The following IGF2BP2 variants were observed in gnomAD, a reference collection of about 807,000 sequenced individuals.
IGF2BP2 encodes insulin like growth factor 2 mRNA binding protein 2.
A neutral mutation model predicts 75.8 loss-of-function variants in IGF2BP2; 17 were observed. The observed-to-expected ratio is 0.22, with a 90% CI of 0.15 to 0.34. The LOEUF (loss-of-function observed/expected upper bound fraction) is 0.34. Ranked by LOEUF, IGF2BP2 falls within the 10% of genes least tolerant of loss-of-function variation. The pLI, the probability that IGF2BP2 is intolerant of heterozygous loss-of-function variation, is 1.00. For synonymous variants in IGF2BP2, 288 were observed against 295.6 expected (o/e 0.97, Z 0.26); for missense variants, 516 against 772.4 (o/e 0.67, Z 3.93).
At chr3:185,758,538 T>C (rs1050219826) in intron 2 of IGF2BP2, among the ~76,000 whole-genome samples, 1 of 152,172 alleles carries the variant, frequency 6.6e-6, no homozygotes, top group African/African-American at 2.4e-5. Context: ...GAGTAGATGT[T>C]CAGTAAGTGG....
chr3:185,769,798 C>G (rs1733619054), intron 2 of IGF2BP2, among the ~76,000 whole-genome samples: 1 of 148,246 alleles, frequency 6.7e-6, no homozygotes, highest in African/African-American at 2.5e-5. Flanking sequence ...CCACTGCACT[C>G]CCGCCTGGAT....
chr3:185,673,940 G>A (rs957758221), intron 9 of IGF2BP2, among the ~76,000 whole-genome samples: 5 of 152,152 alleles, frequency 3.3e-5, no homozygotes, highest in Admixed American at 2.6e-4. Flanking sequence ...AGAACCCACA[G>A]GAAGAAAATG....
intron 2 of IGF2BP2, among the ~76,000 whole-genome samples, chr3:185,802,097 G>A (rs1030477229): frequency 6.6e-6 from 1 of 152,028 alleles, no homozygotes; most frequent in African/African-American, 2.4e-5. Flanking sequence ...GGGTTGATAG[G>A]TGCAGCAAAC....
At chr3:185,659,582 G>C (rs917760850) in intron 10 of IGF2BP2, among the ~76,000 whole-genome samples, 1 of 151,910 alleles carries the variant, frequency 6.6e-6, no homozygotes, top group Non-Finnish European at 1.5e-5. Flanking sequence ...CACCATGTTG[G>C]CCAGGCTGGT....
intron 12 of IGF2BP2, 53 bp from the exon 13 acceptor site, chr3:185,652,221 C>A (rs1714720871): frequency 1.4e-6 from 2 of 1,479,240 alleles, no homozygotes; most frequent in Non-Finnish European, 1.9e-6. Flanking sequence ...TCCCCAGCCC[C>A]TCTTTCTTGT....
chr3:185,742,874 G>A (rs1729753958), intron 2 of IGF2BP2, among the ~76,000 whole-genome samples: 1 of 152,156 alleles, frequency 6.6e-6, no homozygotes. Context: ...GCTGAGGCGG[G>A]CAGATCACGA....
chr3:185,647,192 G>C lies in IGF2BP2; in HGVS notation c.1594-54C>G. ...GATAGGTTCCCTCCCCGTCAACGTGGTGGGCTCAGGACGGAGTGAGGGGCC... is the reference window on the plus strand; with the variant it reads ...GATAGGTTCCCTCCCCGTCAACGTGCTGGGCTCAGGACGGAGTGAGGGGCC... On this transcript the variant is annotated intron_variant, in intron 14 of 15. Coordinates refer to ENST00000382199, the MANE Select transcript of IGF2BP2 (RefSeq NM_006548.6). This position sits in a 1 kb window ranked among gnomAD's most constrained non-coding sequence, Gnocchi z 4.9. 7.7e-7 allele frequency: 1 copy of C among 1,292,908 alleles called. No homozygotes were observed. Among genetic ancestry groups the C allele is most frequent in the Non-Finnish European group, 1.1e-6 (1 of 887,462 alleles). The allele number at this position is 1,292,908 out of a possible 1,614,324, so 80.1% of individuals were successfully genotyped here.
chr3:185,814,730 GTTTAAC>G (rs1357576728), intron 2 of IGF2BP2, among the ~76,000 whole-genome samples: 5 of 152,054 alleles, frequency 3.3e-5, no homozygotes, highest in Non-Finnish European at 7.4e-5. Flanking sequence ...TTCATTGGTG[GTTTAAC>G]TGTATCTTAA....
intron 2 of IGF2BP2, among the ~76,000 whole-genome samples, chr3:185,707,125 T>C (rs561645867): frequency 6.6e-6 from 1 of 151,424 alleles, no homozygotes; most frequent in Admixed American, 6.6e-5. Context: ...CTCGAGAGGC[T>C]GAGGCAGAAG....
At chr3:185,783,074 T>C (rs945175838) in intron 2 of IGF2BP2, among the ~76,000 whole-genome samples, 2 of 152,216 alleles carry the variant, frequency 1.3e-5, no homozygotes, top group African/African-American at 2.4e-5. Context: ...ATGGTGAAGC[T>C]AGACCAATTA....
At chr3:185,824,165 G>A (rs1454071698) in intron 1 of IGF2BP2, among the ~76,000 whole-genome samples, 2 of 151,758 alleles carry the variant, frequency 1.3e-5, no homozygotes, top group Admixed American at 1.3e-4. Flanking sequence ...GTCGTGCGAG[G>A]GCTGGGGCTG....
chr3:185,810,717 T>C (rs1314446376), intron 2 of IGF2BP2, among the ~76,000 whole-genome samples: 2 of 150,754 alleles, frequency 1.3e-5, no homozygotes, highest in African/African-American at 4.9e-5. Flanking sequence ...GAGGTTGCAG[T>C]GAGCCAAGAT....
At chr3:185,665,476 GAGAAGA>G (rs200458103) in intron 10 of IGF2BP2, among the ~76,000 whole-genome samples, 1 of 70,808 alleles carries the variant, frequency 1.4e-5, no homozygotes, top group African/African-American at 6.4e-5. Context: ...GAAGAAGAAG[GAGAAGA>G]AGGAGGAGAA....
chr3:185,652,144 C>A lies in IGF2BP2; in HGVS notation c.1411G>T (p.Val471Phe). ...IKIAPAEGPD[V>F]SERMVIITGP... Reference sequence around the variant, plus strand: ...GTGATGATGACCATCCTTTCGCTGACGTCTGGGCCTTCCGCAGGGGCAATC... The same window carrying A: ...GTGATGATGACCATCCTTTCGCTGAAGTCTGGGCCTTCCGCAGGGGCAATC... Residue 471 changes from valine to phenylalanine, a missense_variant, in exon 13 of 16, where the codon GTC becomes TTC. Val to Phe is a conservative substitution (Grantham distance 50). This residue lies in a region of IGF2BP2 where 129 missense variants were observed against 230.5 expected (regional missense o/e 0.56). Coordinates refer to ENST00000382199, the MANE Select transcript of IGF2BP2 (RefSeq NM_006548.6). The A allele has an allele frequency of 6.2e-7, 1 of 1,612,650 alleles. No homozygotes were observed. Among genetic ancestry groups the A allele is most frequent in the Non-Finnish European group, 8.5e-7 (1 of 1,179,040 alleles).
chr3:185,776,670 C>G (rs186576549), intron 2 of IGF2BP2, among the ~76,000 whole-genome samples: 1 of 152,278 alleles, frequency 6.6e-6, no homozygotes, highest in Admixed American at 6.5e-5. Flanking sequence ...AAAGCCACAG[C>G]AGGGGTGTCA....
At chr3:185,757,352 G>A (rs1295879205) in intron 2 of IGF2BP2, among the ~76,000 whole-genome samples, 1 of 151,708 alleles carries the variant, frequency 6.6e-6, no homozygotes, top group Admixed American at 6.6e-5. Context: ...GTAGAAAATG[G>A]TGAAAAAAAC....
chr3:185,693,717 C>T (rs1295778418), intron 4 of IGF2BP2, among the ~76,000 whole-genome samples: 5 of 152,060 alleles, frequency 3.3e-5, no homozygotes, highest in Non-Finnish European at 5.9e-5. Flanking sequence ...TATATGTTTC[C>T]CAAAACAAAG....
intron 2 of IGF2BP2, among the ~76,000 whole-genome samples, chr3:185,707,625 T>C (rs917241122): frequency 6.6e-6 from 1 of 151,918 alleles, no homozygotes; most frequent in Admixed American, 6.6e-5. Context: ...GGAATAGTGG[T>C]GAATAGCTCA....
At chr3:185,689,780 A>C (rs1242984841) in intron 5 of IGF2BP2, among the ~76,000 whole-genome samples, 153 bp from the exon 6 acceptor site, 2 of 151,826 alleles carry the variant, frequency 1.3e-5, no homozygotes, top group African/African-American at 4.8e-5. Context: ...CATCCCGGCT[A>C]AAACGGTGAA....
Sources: gnomAD v4.1 joint callset for allele counts (sites outside exome capture counted in the v4.1 genomes callset) on GRCh38, gnomAD v4.1.1 for gene constraint, gnomAD v4.1.1 regional missense constraint, Gnocchi (gnomAD v3.1) non-coding constraint, MANE v1.5 for transcripts, NCBI Gene and HGNC (gene_info 2026-07-23, HGNC 2026-07-21) for gene names.